TANC1: variants seen among roughly 807,000 people sequenced by gnomAD.
The protein encoded by TANC1 is tetratricopeptide repeat, ankyrin repeat and coiled-coil containing 1.
Under a neutral mutation model 149.7 loss-of-function variants are expected in TANC1, and 77 were observed. That is an observed-to-expected ratio of 0.51 (90% CI 0.43 to 0.62). The LOEUF (loss-of-function observed/expected upper bound fraction) is 0.62. Among genes scored for constraint, TANC1 ranks in the 20% least tolerant of loss-of-function variants. TANC1 has a pLI of 0.00. For synonymous variants in TANC1, 854 were observed against 925.0 expected, an observed-to-expected ratio of 0.92 and a Z score of 1.39; for missense variants, 1,985 against 2,321.8, an observed-to-expected ratio of 0.85 and a Z score of 2.98.
intron 26 of TANC1, among the ~76,000 whole-genome samples, chr2:159,229,173 T>A (rs1156312595): frequency 1.3e-5 from 2 of 152,122 alleles, no homozygotes; most frequent in Non-Finnish European, 2.9e-5. Flanking sequence ...CTACCTAGTT[T>A]AGTCCATATT....
chr2:159,229,010 T>C (rs1164138301), intron 26 of TANC1, 114 bp downstream of exon 26: 3 of 738,286 alleles, frequency 4.1e-6, no homozygotes, highest in Middle Eastern at 2.4e-4. Context: ...CCTCTCATCC[T>C]TTTTAGTAGT....
intron 22 of TANC1, among the ~76,000 whole-genome samples, chr2:159,223,197 G>A (rs969918144): frequency 7.2e-5 from 11 of 152,172 alleles, no homozygotes; most frequent in South Asian, 2.1e-4. Context: ...GAGCCATCAC[G>A]CCCAGCCAGT....
At chr2:159,115,104 T>A (rs1183502599) in intron 4 of TANC1, among the ~76,000 whole-genome samples, 1 of 152,148 alleles carries the variant, frequency 6.6e-6, no homozygotes, top group African/African-American at 2.4e-5. Context: ...GTGAAGACAT[T>A]GAGGTGTCTA....
At chr2:159,143,079 C>CAAAAAACAA (rs57371944) in intron 5 of TANC1, among the ~76,000 whole-genome samples, 2,826 of 133,736 alleles carry the variant, frequency 0.021, 134 homozygotes, top group East Asian at 0.097. Flanking sequence ...AAAAAAAAAA[C>CAAAAAACAA]AACAAAACAA....
intron 5 of TANC1, among the ~76,000 whole-genome samples, chr2:159,147,000 A>C (rs2052196682): frequency 6.6e-6 from 1 of 152,068 alleles, no homozygotes; most frequent in Non-Finnish European, 1.5e-5. Context: ...TGGAGGCAGC[A>C]GCCACTGTGC....
chr2:159,016,872 C>A (rs2038336682), intron 2 of TANC1, among the ~76,000 whole-genome samples: 1 of 152,112 alleles, frequency 6.6e-6, no homozygotes, highest in Non-Finnish European at 1.5e-5. Context: ...CTGCACCCAG[C>A]CTAGCTAGGC....
At chr2:159,053,435 G>A (rs2041621567) in intron 2 of TANC1, among the ~76,000 whole-genome samples, 1 of 152,238 alleles carries the variant, frequency 6.6e-6, no homozygotes, top group Non-Finnish European at 1.5e-5. Flanking sequence ...ATATGCTGAT[G>A]TCATTGCTTT....
intron 2 of TANC1, chr2:159,056,281 A>T: frequency 4.5e-6 from 1 of 222,640 alleles, no homozygotes; most frequent in South Asian, 7.8e-5. Context: ...CCAAGTACTG[A>T]GGTTTCAGGG....
intron 1 of TANC1, among the ~76,000 whole-genome samples, chr2:158,977,133 T>C (rs1193040917): frequency 6.6e-6 from 1 of 152,086 alleles, no homozygotes; most frequent in Non-Finnish European, 1.5e-5. Flanking sequence ...AATACGTTTT[T>C]AAAATTTTTT....
rs1270107892 is a variant in TANC1, at chr2:159,186,723, G to A, written c.2620-179G>A. ...AAGGCAGGCTGGTTCCTTGACCCTT[G>A]GTTTCAGGTAGTGAAAGCTCGCATG... On this transcript the variant is annotated intron_variant, in intron 15 of 26. Coordinates refer to ENST00000263635, the MANE Select transcript of TANC1 (RefSeq NM_033394.3). 1.3e-5 allele frequency: 9 copies of A among 668,702 alleles called. No homozygotes were observed. In the East Asian group the frequency reaches 2.5e-4, roughly 19 times the overall value. The allele number at this position is 668,702 out of a possible 1,614,324, so 41.4% of individuals were successfully genotyped here.
chr2:159,041,698 C>G (rs1279334811), intron 2 of TANC1, among the ~76,000 whole-genome samples: 2 of 152,208 alleles, frequency 1.3e-5, no homozygotes, highest in Admixed American at 1.3e-4. Flanking sequence ...GCCACGGCTT[C>G]CCTTGGCTAG....
Position 159,196,763 on chromosome 2 carries a change from G to A in TANC1, c.3135G>A (p.Leu1045=), listed in dbSNP as rs1320132397. ...AGAGCCACGCCCTGCAGCAGGCGCT[G>A]ACCGCGGCGGCCAGCATGGGCCACA... ...LRKSHALQQA[L]TAAASMGHSS... The change falls in exon 18 of 27, where the codon CTG becomes CTA. Residue 1045 remains leucine, a synonymous_variant. Transcript: ENST00000263635. 5 of 1,612,696 alleles carry A rather than the reference G, an allele frequency of 3.1e-6. No homozygotes were observed. The highest frequency in any genetic ancestry group is 4.2e-6 in the Non-Finnish European group (5 of 1,179,786).
At chr2:159,063,697 A>G (rs1163615380) in intron 2 of TANC1, among the ~76,000 whole-genome samples, 3 of 152,212 alleles carry the variant, frequency 2.0e-5, no homozygotes, top group Admixed American at 6.5e-5. Context: ...AAGAAATACT[A>G]TAGCAGATAT....
chr2:159,065,829 C>T, intron 2 of TANC1, 67 bp from the exon 3 acceptor site: 1 of 1,341,046 alleles, frequency 7.5e-7, no homozygotes, highest in Non-Finnish European at 1.1e-6. Flanking sequence ...CCTCTTTTGT[C>T]AAGACACAAG....
In TANC1 at chr2:159,019,810, C is replaced by T. The variant is rs868393798; in HGVS notation, c.-16+18621C>T. On this transcript the variant is annotated intron_variant, in intron 2 of 26. Transcript: ENST00000263635. ...TGAGTTTTGTATTTTTTGATAGAGA[C>T]GGGGTTTCGACATGTTGGCCAGGCT... is the stretch of plus-strand genomic sequence containing the variant. Among the ~76,000 whole-genome samples, 68 of 151,418 alleles carry T rather than the reference C, an allele frequency of 4.5e-4. 1 individual carries two copies. In the Middle Eastern group the frequency reaches 0.01, roughly 23 times the overall value.
At chr2:159,122,698 T>C (rs150786359) in intron 4 of TANC1, among the ~76,000 whole-genome samples, 180 of 152,282 alleles carry the variant, frequency 1.2e-3, no homozygotes, top group South Asian at 2.5e-3. Context: ...GTCTGGCTTC[T>C]TTCGCTTAGC....
chr2:159,044,199 G>A (rs2040867391), intron 2 of TANC1, among the ~76,000 whole-genome samples: 1 of 152,210 alleles, frequency 6.6e-6, no homozygotes, highest in Non-Finnish European at 1.5e-5. Flanking sequence ...CAGCACTTTG[G>A]GAGGTTGAGG....
At chr2:159,005,370 T>A (rs758109049) in intron 2 of TANC1, among the ~76,000 whole-genome samples, 5 of 152,146 alleles carry the variant, frequency 3.3e-5, no homozygotes, top group Admixed American at 6.6e-5. Context: ...GCAGGTGGAT[T>A]GCTTGACCTC....
chr2:159,230,028 G>A lies in TANC1; in HGVS notation c.4602G>A (p.Val1534=). 7 of 1,614,082 alleles carry A rather than the reference G, an allele frequency of 4.3e-6. No homozygotes were observed. Among genetic ancestry groups the A allele is most frequent in the Non-Finnish European group, 5.9e-6 (7 of 1,180,048 alleles). The change falls in exon 27 of 27, where the codon GTG becomes GTA. Residue 1534 remains valine (V), a synonymous_variant. Coordinates refer to ENST00000263635, the MANE Select transcript of TANC1 (RefSeq NM_033394.3). This position sits in a 1 kb window ranked among gnomAD's most constrained non-coding sequence, Gnocchi z 4.4. ...LLQPSKQAQI[V]KTSQHLGSGQ... is the part of the protein sequence containing the mutation. ...AGCCCTCCAAGCAGGCCCAGATCGT[G>A]AAAACCAGCCAGCACCTGGGCTCTG...
Sources: allele counts gnomAD v4.1 joint callset (sites outside exome capture counted in the v4.1 genomes callset), GRCh38; gene constraint gnomAD v4.1.1; non-coding constraint Gnocchi (gnomAD v3.1); transcripts MANE v1.5; gene names NCBI Gene and HGNC (gene_info 2026-07-23, HGNC 2026-07-21).